KIAA0825: variants seen among roughly 807,000 people sequenced by gnomAD.
KIAA0825 encodes uncharacterized protein KIAA0825.
KIAA0825 carries 119 observed loss-of-function variants against 147.6 expected under a neutral mutation model. That is an observed-to-expected ratio of 0.81 (90% CI 0.69 to 0.94). KIAA0825 has a LOEUF of 0.94. Ranked by LOEUF, KIAA0825 falls within the 40% of genes least tolerant of loss-of-function variation. The probability of loss-of-function intolerance (pLI) is 0.00; values close to 1 mark genes in which losing one functional copy is unlikely to be tolerated. For synonymous variants in KIAA0825, 470 were observed against 518.1 expected (o/e 0.91, Z 1.26); for missense variants, 1,381 against 1,472.7 (o/e 0.94, Z 1.02).
intron 14 of KIAA0825, among the ~76,000 whole-genome samples, chr5:94,436,258 G>A (rs1756360260): frequency 6.6e-6 from 1 of 152,046 alleles, no homozygotes; most frequent in Non-Finnish European, 1.5e-5. Flanking sequence ...ATGGTTTTGG[G>A]TTTTACATTT....
intron 1 of KIAA0825, among the ~76,000 whole-genome samples, chr5:94,589,613 G>T (rs571870363): frequency 5.7e-4 from 87 of 152,076 alleles, no homozygotes; most frequent in Non-Finnish European, 9.4e-4. Context: ...TGGGAGTTTT[G>T]TACATCTCGT....
chr5:94,430,097 G>A (rs1360585739), intron 14 of KIAA0825, among the ~76,000 whole-genome samples: 1 of 152,160 alleles, frequency 6.6e-6, no homozygotes, highest in Admixed American at 6.5e-5. Context: ...GCTGGACCAA[G>A]CAAGCAAATA....
At chr5:94,437,432 GC>G (rs1185758089) in intron 14 of KIAA0825, among the ~76,000 whole-genome samples, 1 of 152,088 alleles carries the variant, frequency 6.6e-6, no homozygotes, top group Non-Finnish European at 1.5e-5. Context: ...TAGTCTAATA[GC>G]CTTTGTTTAA....
At position 94,152,845 on chromosome 5, in the gene KIAA0825, AAAAAAAAAAATT is replaced by A. The variant is rs1766622080; in HGVS notation, c.*1150_*1161del. 4 of 35,392 alleles carry A rather than the reference AAAAAAAAAAATT, an allele frequency of 1.1e-4. No individual in the cohort carries two copies. The highest frequency in any genetic ancestry group is 5.6e-5 in the Non-Finnish European group (1 of 17,908). 2.2% of individuals were successfully genotyped at this position (35,392 alleles called of 1,614,324 possible). On this transcript the variant is annotated 3_prime_UTR_variant, in exon 21 of 21. Coordinates refer to ENST00000682413, the MANE Select transcript of KIAA0825 (RefSeq NM_001145678.3). The stretch of plus-strand genomic sequence containing the variant: ...TGAAAAAAAAAAAAAAAAAAAAAAA[AAAAAAAAAAATT>A]ATATATATATATATATATATATATA...
intron 5 of KIAA0825, among the ~76,000 whole-genome samples, chr5:94,513,366 T>C (rs1235800842): frequency 6.6e-6 from 1 of 152,170 alleles, no homozygotes; most frequent in African/African-American, 2.4e-5. Flanking sequence ...GAATCTTATT[T>C]TTAACTTTCA....
intron 1 of KIAA0825, among the ~76,000 whole-genome samples, chr5:94,613,311 TTAGACTCCAGGAG>T (rs1262638634): frequency 6.6e-6 from 1 of 152,090 alleles, no homozygotes; most frequent in African/African-American, 2.4e-5. Flanking sequence ...TTCTCTTGCC[TTAGACTCCAGGAG>T]TAGCTGGGAT....
At chr5:94,343,546 G>A (rs936072290) in intron 20 of KIAA0825, among the ~76,000 whole-genome samples, 8 of 151,954 alleles carry the variant, frequency 5.3e-5, no homozygotes, top group African/African-American at 1.9e-4. Context: ...AAAATTAGCC[G>A]GGCCTAGTGG....
At position 94,187,797 on chromosome 5, in the gene KIAA0825, A is replaced by C. The variant is rs187188962; in HGVS notation, c.3711-33673T>G. On this transcript the variant is annotated intron_variant, in intron 20 of 20. Coordinates refer to ENST00000682413, the MANE Select transcript of KIAA0825 (RefSeq NM_001145678.3). ...ATTCTGAACTGGTAATATTGTCAGC[A>C]ATGATTAAACTTCAGAAATGATAGT... 1.4e-3 allele frequency among the ~76,000 whole-genome samples: 209 copies of C among 152,298 alleles called. 1 individual carries two copies. The highest frequency in any genetic ancestry group is 4.9e-3 in the African/African-American group (204 of 41,552).
rs1170846454 is a variant in KIAA0825 at position 94,384,362 on chromosome 5, T to C, written c.3710+6A>G. On this transcript the variant is annotated splice_donor_region_variant and intron_variant, in intron 20 of 20. Transcript: ENST00000682413. ...ACCAGACCCCCAAGGTCCCCAATTT[T>C]ATTACCTGTTTTTGAGCAGCACACT... is the stretch of plus-strand genomic sequence containing the variant. The C allele has an allele frequency of 6.4e-7, 1 of 1,551,322 alleles. No homozygotes were observed. Among genetic ancestry groups the C allele is most frequent in the East Asian group, 2.4e-5 (1 of 40,906 alleles).
rs563470855 is a variant in KIAA0825, at chr5:94,540,437, G to T, written c.-1-3310C>A. Among the ~76,000 whole-genome samples the T allele has an allele frequency of 9.2e-5, 14 of 152,314 alleles. No homozygotes were observed. The South Asian group carries it at 2.9e-3, about 32-fold the overall frequency. On this transcript the variant is annotated intron_variant, in intron 2 of 20. Coordinates refer to ENST00000682413, the MANE Select transcript of KIAA0825 (RefSeq NM_001145678.3). The stretch of plus-strand genomic sequence containing the variant: ...TTGTCTTGTATGTCCTTGGGAGCTT[G>T]ACCTTGTAACCACATGGCAGTACTT...
chr5:94,572,695 T>C (rs1451132227), intron 2 of KIAA0825, among the ~76,000 whole-genome samples: 1 of 152,174 alleles, frequency 6.6e-6, no homozygotes, highest in Non-Finnish European at 1.5e-5. Context: ...ACAGGATATT[T>C]TTGAAAAAAC....
Position 94,520,479 on chromosome 5 carries a change from T to C in KIAA0825, c.739A>G (p.Thr247Ala), listed in dbSNP as rs754046124. ...LDVIAHGYQSTMLKLYSVIKE... is the reference protein window; with the variant it reads ...LDVIAHGYQSAMLKLYSVIKE... ...ATTACTGAGTATAACTTAAGCATTGTACTTTGATATCCATGAGCTATTACA... is the reference window on the plus strand; with the variant it reads ...ATTACTGAGTATAACTTAAGCATTGCACTTTGATATCCATGAGCTATTACA... Residue 247 changes from threonine to alanine, a missense_variant, in exon 5 of 21, where the codon ACA (threonine) becomes GCA (alanine). Physicochemically the swap from Thr to Ala is moderately conservative, Grantham distance 58. Transcript: ENST00000682413. The C allele has an allele frequency of 2.5e-6, 4 of 1,613,110 alleles. No homozygotes were observed. In the South Asian group the frequency reaches 4.4e-5, roughly 18 times the overall value.
intron 14 of KIAA0825, among the ~76,000 whole-genome samples, chr5:94,419,825 T>C (rs187147150): frequency 1.6e-3 from 238 of 152,340 alleles, no homozygotes; most frequent in Middle Eastern, 0.01. Flanking sequence ...TGGGCAGTCC[T>C]GGTTTAGGTC....
chr5:94,183,682 G>A (rs555074941), intron 20 of KIAA0825, among the ~76,000 whole-genome samples: 3 of 152,312 alleles, frequency 2.0e-5, no homozygotes, highest in South Asian at 2.1e-4. Flanking sequence ...ATGACAGAGT[G>A]TGGGAGCTTC....
intron 1 of KIAA0825, among the ~76,000 whole-genome samples, chr5:94,589,246 C>A (rs1159598011): frequency 6.6e-6 from 1 of 152,110 alleles, no homozygotes; most frequent in Non-Finnish European, 1.5e-5. Flanking sequence ...GGGGTTGGGG[C>A]CTGAAATTTT....
At chr5:94,512,821 G>C (rs912248277) in intron 5 of KIAA0825, among the ~76,000 whole-genome samples, 11 of 152,052 alleles carry the variant, frequency 7.2e-5, no homozygotes, top group Non-Finnish European at 1.3e-4. Flanking sequence ...GCTTTTACCT[G>C]GGAGGCGAAG....
At chr5:94,232,508 T>C (rs566461233) in intron 20 of KIAA0825, among the ~76,000 whole-genome samples, 138 of 132,108 alleles carry the variant, frequency 1.0e-3, no homozygotes, top group African/African-American at 3.8e-3. Context: ...TGGCATTCCC[T>C]AACTGATAAA....
chr5:94,417,779 T>C lies in KIAA0825; in HGVS notation c.2498-414A>G, dbSNP rs146517279. On this transcript the variant is annotated intron_variant, in intron 14 of 20. Coordinates refer to ENST00000682413, the MANE Select transcript of KIAA0825 (RefSeq NM_001145678.3). ...TGGACAACTAGGAATACTAACATTG[T>C]ACCATGGGAAAATTCACATTTTTAG... 7.6e-4 allele frequency among the ~76,000 whole-genome samples: 116 copies of C among 152,304 alleles called. No homozygotes were observed. In the East Asian group the frequency reaches 0.021, roughly 27 times the overall value.
At chr5:94,489,153 G>A (rs1763407142) in intron 5 of KIAA0825, among the ~76,000 whole-genome samples, 1 of 152,014 alleles carries the variant, frequency 6.6e-6, no homozygotes, top group African/African-American at 2.4e-5. Flanking sequence ...TAGTATTTTT[G>A]CAGACCCCTT....
Sources: allele counts gnomAD v4.1 joint callset (sites outside exome capture counted in the v4.1 genomes callset), GRCh38; gene constraint gnomAD v4.1.1; transcripts MANE v1.5; gene names NCBI Gene and HGNC (gene_info 2026-07-23, HGNC 2026-07-21).